CNTN4: variants seen among roughly 807,000 people sequenced by gnomAD.
CNTN4 encodes the protein contactin 4, also known as contactin-4.
Under a neutral mutation model 122.5 loss-of-function variants are expected in CNTN4, and 77 were observed. That is an observed-to-expected ratio of 0.63 (90% confidence interval 0.52 to 0.76). The LOEUF (loss-of-function observed/expected upper bound fraction) is 0.76, where lower values mean the gene tolerates loss of function less well. CNTN4 is among the 30% of genes least tolerant of loss of function. The probability of loss-of-function intolerance (pLI) is 0.00; values close to 1 mark genes in which losing one functional copy is unlikely to be tolerated. For missense variants in CNTN4, 1,256 were observed against 1,259.1 expected, an observed-to-expected ratio of 1.00 and a Z score of 0.04; for synonymous variants, 512 against 447.0, an observed-to-expected ratio of 1.15 and a Z score of -1.83.
chr3:2,106,619 G>T (rs1465332726), intron 2 of CNTN4, among the ~76,000 whole-genome samples: 1 of 152,174 alleles, frequency 6.6e-6, no homozygotes, highest in Admixed American at 6.5e-5. Context: ...GGAGCCCAGT[G>T]CCTTGTCCAA....
At chr3:2,266,048 C>A (rs2149784924) in intron 2 of CNTN4, among the ~76,000 whole-genome samples, 1 of 152,008 alleles carries the variant, frequency 6.6e-6, no homozygotes, top group South Asian at 2.1e-4. Flanking sequence ...ATTTGTATGC[C>A]TTTTCTTTCT....
At chr3:2,256,048 A>G (rs1223913960) in intron 2 of CNTN4, among the ~76,000 whole-genome samples, 1 of 152,184 alleles carries the variant, frequency 6.6e-6, no homozygotes, top group South Asian at 2.1e-4. Context: ...TGCTAGCCAG[A>G]CTAATAAAGA....
chr3:2,187,875 G>A (rs2037349885), intron 2 of CNTN4, among the ~76,000 whole-genome samples: 2 of 152,060 alleles, frequency 1.3e-5, no homozygotes. Flanking sequence ...AGGTGGCATG[G>A]TAAAAAGGCC....
chr3:2,435,041 A>G (rs1389428358), intron 3 of CNTN4, among the ~76,000 whole-genome samples: 4 of 152,156 alleles, frequency 2.6e-5, no homozygotes, highest in Non-Finnish European at 5.9e-5. Flanking sequence ...TCTTTCCAAA[A>G]TATGTGAAGC....
intron 4 of CNTN4, among the ~76,000 whole-genome samples, chr3:2,722,564 A>G (rs1395605609): frequency 1.3e-5 from 2 of 152,264 alleles, no homozygotes; most frequent in African/African-American, 2.4e-5. Context: ...AAAAGACCCA[A>G]CAACTCAATG....
intron 2 of CNTN4, among the ~76,000 whole-genome samples, chr3:2,243,374 T>C (rs1251973311): frequency 2.0e-5 from 3 of 152,146 alleles, no homozygotes; most frequent in Non-Finnish European, 4.4e-5. Flanking sequence ...ATATCCATTT[T>C]TATGTGATGA....
chr3:2,822,559 T>C (rs927702621), intron 7 of CNTN4, among the ~76,000 whole-genome samples: 5 of 152,194 alleles, frequency 3.3e-5, no homozygotes, highest in South Asian at 2.1e-4. Context: ...AAATGGAAGA[T>C]TTTACTAATT....
At chr3:2,300,853 G>T (rs909961101) in intron 2 of CNTN4, among the ~76,000 whole-genome samples, 2 of 151,968 alleles carry the variant, frequency 1.3e-5, no homozygotes, top group African/African-American at 4.8e-5. Flanking sequence ...ACAGGTGTGA[G>T]CCACCGTGCC....
intron 2 of CNTN4, among the ~76,000 whole-genome samples, chr3:2,286,611 T>A (rs1396912759): frequency 6.6e-6 from 1 of 152,134 alleles, no homozygotes; most frequent in Non-Finnish European, 1.5e-5. Context: ...ATGAGTGAGA[T>A]GCATTATAGA....
chr3:2,379,191 T>C (rs1325927138), intron 3 of CNTN4, among the ~76,000 whole-genome samples: 2 of 152,196 alleles, frequency 1.3e-5, no homozygotes, highest in Non-Finnish European at 2.9e-5. Context: ...CATTTTTTCT[T>C]TTATTTCACT....
At chr3:2,818,210 T>A (rs907080186) in intron 6 of CNTN4, among the ~76,000 whole-genome samples, 1 of 152,212 alleles carries the variant, frequency 6.6e-6, no homozygotes, top group African/African-American at 2.4e-5. Context: ...AATATATAAG[T>A]GATGAAGACA....
chr3:2,807,501 T>G (rs1414989719), intron 6 of CNTN4, among the ~76,000 whole-genome samples: 1 of 152,104 alleles, frequency 6.6e-6, no homozygotes, highest in Non-Finnish European at 1.5e-5. Context: ...CCTTAAAAAT[T>G]TTTAACTGGT....
intron 3 of CNTN4, among the ~76,000 whole-genome samples, chr3:2,420,436 C>CT (rs1254772264): frequency 2.1e-3 from 307 of 146,614 alleles, no homozygotes; most frequent in African/African-American, 5.7e-3. Context: ...ATAGAAAATT[C>CT]TTTTTTTTTT....
At chr3:2,225,878 C>G (rs1002972997) in intron 2 of CNTN4, among the ~76,000 whole-genome samples, 27 of 152,104 alleles carry the variant, frequency 1.8e-4, no homozygotes, top group African/African-American at 6.5e-4. Flanking sequence ...ATAGAGTGAC[C>G]CTGCTGTAGT....
intron 4 of CNTN4, among the ~76,000 whole-genome samples, chr3:2,657,003 A>C (rs1223394499): frequency 6.6e-6 from 1 of 152,220 alleles, no homozygotes; most frequent in Non-Finnish European, 1.5e-5. Flanking sequence ...TGGTGTTTTG[A>C]TGTGATCTGG....
chr3:2,386,341 G>C (rs2046256929), intron 3 of CNTN4, among the ~76,000 whole-genome samples: 1 of 152,100 alleles, frequency 6.6e-6, no homozygotes, highest in African/African-American at 2.4e-5. Context: ...TTGCAGTATT[G>C]AGACATACAA....
At chr3:2,394,452 C>G (rs902889857) in intron 3 of CNTN4, among the ~76,000 whole-genome samples, 9 of 152,096 alleles carry the variant, frequency 5.9e-5, no homozygotes, top group African/African-American at 2.2e-4. Context: ...ATACCACATA[C>G]CAATGTACAC....
At position 2,296,166 on chromosome 3, in the gene CNTN4, T is replaced by C. The variant is rs554152030; in HGVS notation, c.-144-43012T>C. 3.5e-4 allele frequency among the ~76,000 whole-genome samples: 53 copies of C among 152,264 alleles called. No homozygotes were observed. In the Middle Eastern group the frequency reaches 0.01, roughly 29 times the overall value. ...GGATTGACTTGGCGATGCGGGCTCT[T>C]TTTTGGTTCCATATGAACTTTAAAG... On this transcript the variant is annotated intron_variant, in intron 2 of 24. Transcript: ENST00000418658.
At chr3:2,116,002 T>A (rs2033324397) in intron 2 of CNTN4, among the ~76,000 whole-genome samples, 1 of 152,194 alleles carries the variant, frequency 6.6e-6, no homozygotes, top group African/African-American at 2.4e-5. Context: ...GAGACTTAAA[T>A]CTTTCTCGAA....
Sources: gnomAD v4.1 joint callset for allele counts (sites outside exome capture counted in the v4.1 genomes callset) on GRCh38, gnomAD v4.1.1 for gene constraint, MANE v1.5 for transcripts, NCBI Gene and HGNC (gene_info 2026-07-23, HGNC 2026-07-21) for gene names.